Variants in NRXN1 observed in about 807,000 individuals in gnomAD.
NRXN1 encodes neurexin-1.
NRXN1 carries 39 observed loss-of-function variants against 150.9 expected under a neutral mutation model. The ratio of observed to expected loss-of-function variants is 0.26; its 90% CI spans 0.20 to 0.34. The LOEUF (loss-of-function observed/expected upper bound fraction) is 0.34. NRXN1 is among the 10% of genes least tolerant of loss of function. The pLI, the probability that NRXN1 is intolerant of heterozygous loss-of-function variation, is 1.00. For missense variants in NRXN1, 1,815 were observed against 1,949.9 expected (o/e 0.93, Z 1.30); for synonymous variants, 924 against 757.0 (o/e 1.22, Z -3.62).
chr2:50,408,561 A>T (rs1038280896), intron 17 of NRXN1, among the ~76,000 whole-genome samples: 1 of 152,186 alleles, frequency 6.6e-6, no homozygotes, highest in Admixed American at 6.5e-5. Flanking sequence ...AAAGAATGAC[A>T]TGATGTAGCA....
intron 13 of NRXN1, 121 bp from the exon 14 acceptor site, chr2:50,497,835 T>C (rs539320256): frequency 1.2e-6 from 1 of 825,138 alleles, no homozygotes; most frequent in South Asian, 1.9e-5. Context: ...GGTACTCAGT[T>C]GCATATAGGA....
chr2:50,109,895 C>G (rs1702152415), intron 18 of NRXN1, among the ~76,000 whole-genome samples: 1 of 151,916 alleles, frequency 6.6e-6, no homozygotes, highest in South Asian at 2.1e-4. Context: ...ATATAACATA[C>G]CAAAAAATAA....
intron 8 of NRXN1, among the ~76,000 whole-genome samples, chr2:50,609,070 T>C (rs1257038100): frequency 6.6e-6 from 1 of 151,998 alleles, no homozygotes; most frequent in African/African-American, 2.4e-5. Context: ...TAAACAGAGG[T>C]TTCCTTCTGA....
chr2:50,479,068 C>T (rs1046435981), intron 15 of NRXN1, among the ~76,000 whole-genome samples: 13 of 152,194 alleles, frequency 8.5e-5, no homozygotes, highest in African/African-American at 2.9e-4. Flanking sequence ...TCTGTATCAT[C>T]TAAATTAAGT....
rs1669301503 is a variant in NRXN1, at chr2:49,927,469, A to G, written c.4217-5218T>C. On this transcript the variant is annotated intron_variant, in intron 22 of 22. Coordinates refer to ENST00000401669, the MANE Select transcript of NRXN1 (RefSeq NM_001330078.2). ...ATGCAAACAGAAGTTAAAGCTTGCA[A>G]TTACTTAGTACAATGATTCACAACT... is the stretch of plus-strand genomic sequence containing the variant. 1.3e-5 allele frequency among the ~76,000 whole-genome samples: 2 copies of G among 152,236 alleles called. 1 individual carries two copies. The highest frequency in any genetic ancestry group is 1.3e-4 in the Admixed American group (2 of 15,288).
At chr2:50,634,339 T>A (rs1167867432) in intron 5 of NRXN1, among the ~76,000 whole-genome samples, 1 of 152,206 alleles carries the variant, frequency 6.6e-6, no homozygotes, top group Admixed American at 6.5e-5. Flanking sequence ...CATATCTGGG[T>A]TCAAATCCCA....
At chr2:50,116,370 C>A (rs1308254194) in intron 18 of NRXN1, among the ~76,000 whole-genome samples, 1 of 151,918 alleles carries the variant, frequency 6.6e-6, no homozygotes, top group African/African-American at 2.4e-5. Context: ...AAACACAACA[C>A]GTTATCAATT....
At chr2:50,779,371 T>C (rs1372412059) in intron 5 of NRXN1, among the ~76,000 whole-genome samples, 1 of 152,230 alleles carries the variant, frequency 6.6e-6, no homozygotes, top group Non-Finnish European at 1.5e-5. Flanking sequence ...TATGGCTGCA[T>C]AGTATTCCAT....
chr2:50,778,510 C>A (rs1190825832), intron 5 of NRXN1, among the ~76,000 whole-genome samples: 1 of 152,058 alleles, frequency 6.6e-6, no homozygotes, highest in Non-Finnish European at 1.5e-5. Context: ...CCAGGTAGAA[C>A]CTTGGTGAGA....
At chr2:50,810,965 T>A in intron 5 of NRXN1, among the ~76,000 whole-genome samples, 1 of 151,074 alleles carries the variant, frequency 6.6e-6, no homozygotes. Flanking sequence ...GGTGAAAAAG[T>A]GAGACTCCGT....
intron 17 of NRXN1, among the ~76,000 whole-genome samples, chr2:50,287,988 A>G (rs2072413271): frequency 6.6e-6 from 1 of 152,142 alleles, no homozygotes; most frequent in African/African-American, 2.4e-5. Context: ...GCATGTATAG[A>G]CACAACAAAG....
Position 50,346,806 on chromosome 2 carries a change from C to A in NRXN1, c.3365-109836G>T, listed in dbSNP as rs747566761. The stretch of plus-strand genomic sequence containing the variant: ...GCGCTCCCAAACTGGATGCCCCCCA[C>A]GCCACTCCTAGGAGGCCGCTGAGGG... On this transcript the variant is annotated intron_variant, in intron 17 of 22. Coordinates refer to ENST00000401669, the MANE Select transcript of NRXN1 (RefSeq NM_001330078.2). This position sits in a 1 kb window ranked among gnomAD's most constrained non-coding sequence, Gnocchi z 5.0. 22 of 1,613,150 alleles carry A rather than the reference C, an allele frequency of 1.4e-5. No individual in the cohort carries two copies. The Admixed American group carries it at 3.3e-4, about 24-fold the overall frequency.
In NRXN1 at chr2:50,111,932, G is replaced by A. The variant is rs114215581; in HGVS notation, c.3547-20438C>T. On this transcript the variant is annotated intron_variant, in intron 18 of 22. Coordinates refer to ENST00000401669, the MANE Select transcript of NRXN1 (RefSeq NM_001330078.2). ...TAACTTCAATGCAACGTGTAAGATG[G>A]GTACCAAACCGTAAGATATAAAATG... Among the ~76,000 whole-genome samples, 913 of 151,940 alleles carry A rather than the reference G, an allele frequency of 6.0e-3. 10 individuals carry two copies. Among genetic ancestry groups the A allele is most frequent in the African/African-American group, 0.021 (873 of 41,430 alleles).
chr2:50,216,944 T>C (rs142735853), intron 18 of NRXN1, among the ~76,000 whole-genome samples: 2 of 152,112 alleles, frequency 1.3e-5, no homozygotes, highest in Non-Finnish European at 2.9e-5. Flanking sequence ...ATATCTGTGA[T>C]AGAACCTATT....
intron 5 of NRXN1, among the ~76,000 whole-genome samples, chr2:50,786,770 T>C (rs957371850): frequency 6.6e-6 from 1 of 152,180 alleles, no homozygotes; most frequent in African/African-American, 2.4e-5. Context: ...TATCATATTT[T>C]AATTATACTG....
intron 17 of NRXN1, among the ~76,000 whole-genome samples, chr2:50,392,384 C>T (rs914979624): frequency 5.3e-5 from 8 of 152,070 alleles, no homozygotes; most frequent in Admixed American, 1.3e-4. Context: ...TTTTACTATA[C>T]TAGCGTTTTG....
At chr2:50,921,069 CAG>C (rs1454915509) in intron 5 of NRXN1, among the ~76,000 whole-genome samples, 1 of 151,674 alleles carries the variant, frequency 6.6e-6, no homozygotes, top group Non-Finnish European at 1.5e-5. Flanking sequence ...AATTAAAAAA[CAG>C]AAACTAAATA....
At chr2:50,393,124 A>G (rs1468477988) in intron 17 of NRXN1, among the ~76,000 whole-genome samples, 2 of 151,830 alleles carry the variant, frequency 1.3e-5, no homozygotes, top group Non-Finnish European at 2.9e-5. Context: ...TCCAGATGTT[A>G]TCAATTTCTA....
intron 21 of NRXN1, among the ~76,000 whole-genome samples, chr2:49,947,314 C>T (rs562170819): frequency 6.6e-6 from 1 of 151,958 alleles, no homozygotes; most frequent in South Asian, 2.1e-4. Flanking sequence ...TTCTTTAAAC[C>T]AATGGCTCTC....
Sources: allele counts gnomAD v4.1 joint callset (sites outside exome capture counted in the v4.1 genomes callset), GRCh38; gene constraint gnomAD v4.1.1; non-coding constraint Gnocchi (gnomAD v3.1); transcripts MANE v1.5; gene names NCBI Gene and HGNC (gene_info 2026-07-23, HGNC 2026-07-21).